EGFLAM: variants seen among roughly 807,000 people sequenced by gnomAD.
The protein encoded by EGFLAM is pikachurin.
EGFLAM carries 79 observed loss-of-function variants against 113.1 expected under a neutral mutation model. That is an observed-to-expected ratio of 0.70 (90% CI 0.58 to 0.84). The LOEUF (loss-of-function observed/expected upper bound fraction) is 0.84. Ranked by LOEUF, EGFLAM falls within the 40% of genes least tolerant of loss-of-function variation. EGFLAM has a pLI of 0.00. For synonymous variants in EGFLAM, 504 were observed against 487.6 expected (o/e 1.03, Z -0.44); for missense variants, 1,265 against 1,291.6 (o/e 0.98, Z 0.32).
At chr5:38,259,812 A>C (rs556176573) in intron 1 of EGFLAM, among the ~76,000 whole-genome samples, 8 of 152,360 alleles carry the variant, frequency 5.3e-5, no homozygotes, top group African/African-American at 1.9e-4. Flanking sequence ...CAGAAAGTGC[A>C]GTTTGTCTTC....
chr5:38,295,664 C>T (rs1485091821), intron 1 of EGFLAM, among the ~76,000 whole-genome samples: 1 of 152,138 alleles, frequency 6.6e-6, no homozygotes, highest in Non-Finnish European at 1.5e-5. Context: ...CTTTTAACTT[C>T]CCCTATCCTC....
At chr5:38,373,909 TCATGCCGA>T (rs1345679903) in intron 6 of EGFLAM, among the ~76,000 whole-genome samples, 1 of 152,172 alleles carries the variant, frequency 6.6e-6, no homozygotes, top group Non-Finnish European at 1.5e-5. Context: ...TTCTCCACAG[TCATGCCGA>T]CATCTGGTAG....
intron 19 of EGFLAM, among the ~76,000 whole-genome samples, chr5:38,454,559 A>G (rs79856699): frequency 0.014 from 2,150 of 152,344 alleles, 56 homozygotes; most frequent in African/African-American, 0.047. Context: ...CCTCAGAGAG[A>G]GAACACGTAG....
At chr5:38,300,015 C>T (rs1389682469) in intron 1 of EGFLAM, among the ~76,000 whole-genome samples, 1 of 152,024 alleles carries the variant, frequency 6.6e-6, no homozygotes, top group African/African-American at 2.4e-5. Context: ...ATGTGTAGTA[C>T]TATAGAAAAG....
intron 5 of EGFLAM, among the ~76,000 whole-genome samples, chr5:38,362,674 A>G (rs1020199399): frequency 6.6e-6 from 1 of 152,188 alleles, no homozygotes; most frequent in African/African-American, 2.4e-5. Context: ...TTCACAAAGA[A>G]TTCTTTTCCT....
intron 1 of EGFLAM, chr5:38,285,746 G>C (rs1758145670): frequency 6.6e-6 from 1 of 152,436 alleles, no homozygotes. Context: ...GGCGAAGCAG[G>C]CACCTGCTTC....
intron 16 of EGFLAM, among the ~76,000 whole-genome samples, chr5:38,437,898 C>A (rs539091123): frequency 1.3e-5 from 2 of 152,058 alleles, no homozygotes. Flanking sequence ...CTGAAGTGGG[C>A]GGATCACCTG....
chr5:38,331,587 C>T (rs369876421), intron 1 of EGFLAM, among the ~76,000 whole-genome samples: 8 of 152,156 alleles, frequency 5.3e-5, no homozygotes, highest in African/African-American at 1.9e-4. Flanking sequence ...TGAGGCTGTG[C>T]TTACTGGTTA....
intron 6 of EGFLAM, among the ~76,000 whole-genome samples, chr5:38,390,223 A>G (rs910424345): frequency 6.6e-6 from 1 of 152,180 alleles, no homozygotes; most frequent in African/African-American, 2.4e-5. Context: ...TGCAAACTTT[A>G]TGATACTGTT....
chr5:38,329,986 C>CCCA (rs1209751513), intron 1 of EGFLAM, among the ~76,000 whole-genome samples: 3 of 152,048 alleles, frequency 2.0e-5, no homozygotes, highest in African/African-American at 7.3e-5. Context: ...CTAACCAGGT[C>CCCA]CCAGCAGGGT....
At chr5:38,299,415 C>T (rs1302807440) in intron 1 of EGFLAM, among the ~76,000 whole-genome samples, 4 of 152,118 alleles carry the variant, frequency 2.6e-5, no homozygotes, top group Admixed American at 1.3e-4. Flanking sequence ...TTGGCTATGG[C>T]GTGTGTCATT....
intron 21 of EGFLAM, among the ~76,000 whole-genome samples, chr5:38,463,624 C>T (rs1343971092): frequency 6.6e-6 from 1 of 152,160 alleles, no homozygotes; most frequent in Non-Finnish European, 1.5e-5. Context: ...AAAAACTGAT[C>T]CAAGTCAATC....
In EGFLAM at chr5:38,407,110, T is replaced by C. The variant is rs776524676; in HGVS notation, c.1111T>C (p.Cys371Arg). 2.5e-6 allele frequency: 4 copies of C among 1,614,016 alleles called. No individual in the cohort carries two copies. Among genetic ancestry groups the C allele is most frequent in the Non-Finnish European group, 3.4e-6 (4 of 1,180,028 alleles). The stretch of plus-strand genomic sequence containing the variant: ...CACCTGGGGGGGCTCGCGATGCCAG[T>C]GCACCCTGGGCAAAGGTGGTGAGAG... ...DYTWGGSRCQ[C>R]TLGKGGESCS... Residue 371 changes from cysteine to arginine, a missense_variant, in exon 8 of 22, where the codon TGC (cysteine) becomes CGC (arginine). Physicochemically the swap from Cys to Arg is radical, Grantham distance 180. Coordinates refer to ENST00000322350, the MANE Select transcript of EGFLAM (RefSeq NM_152403.4).
At chr5:38,445,559 C>T (rs1742679612) in intron 17 of EGFLAM, 1 of 1,592,304 alleles carries the variant, frequency 6.3e-7, no homozygotes, top group African/African-American at 1.3e-5. Flanking sequence ...GACTCTCGGG[C>T]AGAGCTTTGT....
intron 1 of EGFLAM, among the ~76,000 whole-genome samples, chr5:38,300,375 CTTTT>C (rs34070893): frequency 2.1e-5 from 3 of 140,632 alleles, no homozygotes; most frequent in Admixed American, 7.2e-5. Context: ...ATCTCTCTCT[CTTTT>C]TTTTTTTTTT....
intron 3 of EGFLAM, among the ~76,000 whole-genome samples, chr5:38,342,383 C>T (rs535731288): frequency 8.5e-5 from 13 of 152,146 alleles, no homozygotes; most frequent in Admixed American, 2.0e-4. Flanking sequence ...CCTTATTTCC[C>T]CTAACAATTA....
chr5:38,381,070 T>C (rs780418449), intron 6 of EGFLAM, among the ~76,000 whole-genome samples: 23 of 152,196 alleles, frequency 1.5e-4, no homozygotes, highest in Non-Finnish European at 2.8e-4. Flanking sequence ...CATTAATATA[T>C]TGAGGTGATA....
chr5:38,460,996 C>T (rs1188064229), intron 20 of EGFLAM: 1 of 152,204 alleles, frequency 6.6e-6, no homozygotes, highest in African/African-American at 2.4e-5. Context: ...TCAATATTCA[C>T]AGCAACTTAG....
At chr5:38,270,032 A>C (rs12658054) in intron 1 of EGFLAM, among the ~76,000 whole-genome samples, 62,836 of 152,050 alleles carry the variant, frequency 0.41, 13,514 homozygotes, top group Middle Eastern at 0.58. Context: ...GGAGGGACCT[A>C]GTCAAGAAGA....
Sources: gnomAD v4.1 joint callset for allele counts (sites outside exome capture counted in the v4.1 genomes callset) on GRCh38, gnomAD v4.1.1 for gene constraint, MANE v1.5 for transcripts, NCBI Gene and HGNC (gene_info 2026-07-23, HGNC 2026-07-21) for gene names.